Variants in BTAF1 observed in about 807,000 individuals in gnomAD.
BTAF1 encodes the protein B-TFIID TATA-box binding protein associated factor 1, also known as TATA-binding protein-associated factor 172.
A neutral mutation model predicts 227.1 loss-of-function variants in BTAF1; 38 were observed. That is an observed-to-expected ratio of 0.17 (90% CI 0.13 to 0.22). The LOEUF (loss-of-function observed/expected upper bound fraction) is 0.22. Ranked by LOEUF, BTAF1 falls within the 10% of genes least tolerant of loss-of-function variation. The pLI is 1.00. For synonymous variants in BTAF1, 742 were observed against 751.9 expected (o/e 0.99, Z 0.21); for missense variants, 1,598 against 2,204.0 (o/e 0.73, Z 5.51).
intron 25 of BTAF1, 81 bp downstream of exon 25, chr10:91,997,832 G>T: frequency 7.0e-7 from 1 of 1,419,994 alleles, no homozygotes; most frequent in Non-Finnish European, 9.7e-7. Context: ...TTTAGGGCCA[G>T]GTACAAAGGC....
At chr10:91,948,932 G>A (rs1361149331) in intron 4 of BTAF1, among the ~76,000 whole-genome samples, 1 of 151,996 alleles carries the variant, frequency 6.6e-6, no homozygotes, top group Non-Finnish European at 1.5e-5. Context: ...TATAGTTTCT[G>A]ATTCTCTACC....
chr10:91,968,224 C>A (rs1032797401), intron 14 of BTAF1, among the ~76,000 whole-genome samples: 3 of 152,172 alleles, frequency 2.0e-5, no homozygotes, highest in African/African-American at 7.2e-5. Context: ...TGTCCCTCAA[C>A]CCTTAACAGC....
At chr10:92,000,689 C>A (rs1454297776) in intron 25 of BTAF1, among the ~76,000 whole-genome samples, 1 of 152,186 alleles carries the variant, frequency 6.6e-6, no homozygotes, top group East Asian at 1.9e-4. Flanking sequence ...TCCCTAGTAG[C>A]TGAGATTACA....
intron 14 of BTAF1, among the ~76,000 whole-genome samples, chr10:91,979,306 T>C (rs1319339720): frequency 1.3e-5 from 2 of 152,176 alleles, no homozygotes; most frequent in Admixed American, 6.5e-5. Flanking sequence ...CTTTATGATA[T>C]AATGATTTAT....
chr10:91,948,063 G>T (rs922606857), intron 4 of BTAF1, among the ~76,000 whole-genome samples: 1 of 151,842 alleles, frequency 6.6e-6, no homozygotes, highest in East Asian at 1.9e-4. Flanking sequence ...CAACGTGCAG[G>T]TTTGTCACAT....
At position 91,951,439 on chromosome 10, in the gene BTAF1, G is replaced by A. The variant is rs753952218; in HGVS notation, c.437G>A (p.Arg146Gln). The change falls in exon 5 of 38, where the codon CGA becomes CAA. Residue 146 changes from arginine (R) to glutamine (Q), a missense_variant. By Grantham distance (43) the Arg-to-Gln change is conservative. Around this residue, in one of 10 missense-constraint regions of BTAF1, gnomAD observed 298 missense variants for 395.2 expected, o/e 0.75. Transcript: ENST00000265990. ...CCTAAAGAGAGGATAGCACGCCAAC[G>A]AAAATTATTACAGAAGAAACTTGGC... is the stretch of plus-strand genomic sequence containing the variant. Reference protein sequence around the residue: ...VDPKERIARQRKLLQKKLGLN... With the variant: ...VDPKERIARQQKLLQKKLGLN... The A allele has an allele frequency of 4.3e-6, 7 of 1,612,320 alleles. No individual in the cohort carries two copies. The highest frequency in any genetic ancestry group is 2.2e-5 in the East Asian group (1 of 44,778).
intron 20 of BTAF1, among the ~76,000 whole-genome samples, chr10:91,990,533 G>A (rs1252821736): frequency 1.3e-5 from 2 of 152,182 alleles, no homozygotes; most frequent in Admixed American, 6.5e-5. Context: ...GGCGGCTCAC[G>A]CCTGTAATCC....
chr10:91,989,597 T>C lies in BTAF1; in HGVS notation c.2854+17T>C, dbSNP rs900684909. 2.6e-6 allele frequency: 4 copies of C among 1,552,510 alleles called. No homozygotes were observed. The highest frequency in any genetic ancestry group is 1.7e-4 in the Middle Eastern group (1 of 5,752). On this transcript the variant is annotated intron_variant, in intron 20 of 37. Transcript: ENST00000265990. ...ATTCTAAAGGTATATACCTAAACTT[T>C]TATTTGGGGTAGAGAAATAACCTTT...
chr10:91,965,866 AAGAT>A (rs1430667770), intron 13 of BTAF1, among the ~76,000 whole-genome samples: 1 of 152,224 alleles, frequency 6.6e-6, no homozygotes, highest in African/African-American at 2.4e-5. Context: ...ATAGTGTTAA[AAGAT>A]AGGCCTCCTG....
At position 91,997,763 on chromosome 10, in the gene BTAF1, A is replaced by T. The variant is rs1849238575; in HGVS notation, c.3660+12A>T. 1 of 1,611,304 alleles carries T rather than the reference A, an allele frequency of 6.2e-7. No individual in the cohort carries two copies. On this transcript the variant is annotated intron_variant, in intron 25 of 37. Coordinates refer to ENST00000265990, the MANE Select transcript of BTAF1 (RefSeq NM_003972.3). Reference sequence around the variant, plus strand: ...TCATGCCACTTGAGGTAAGTCAAAGATACTTGCTTTAAAGACATAATGTTT... The same window carrying T: ...TCATGCCACTTGAGGTAAGTCAAAGTTACTTGCTTTAAAGACATAATGTTT...
chr10:91,960,494 G>A (rs1291145676), intron 11 of BTAF1, among the ~76,000 whole-genome samples: 1 of 151,894 alleles, frequency 6.6e-6, no homozygotes, highest in Non-Finnish European at 1.5e-5. Context: ...ATACAACATG[G>A]TGCCAAGTTA....
At chr10:91,996,126 A>G (rs1007369130) in intron 23 of BTAF1, among the ~76,000 whole-genome samples, 1 of 152,190 alleles carries the variant, frequency 6.6e-6, no homozygotes, top group Admixed American at 6.5e-5. Flanking sequence ...CTAAGAGATG[A>G]TATGAGCAGA....
At chr10:91,948,362 T>A (rs1845529897) in intron 4 of BTAF1, among the ~76,000 whole-genome samples, 2 of 142,762 alleles carry the variant, frequency 1.4e-5, no homozygotes, top group Non-Finnish European at 3.0e-5. Context: ...ATTTTTCAGT[T>A]TTAGAACTAT....
At chr10:91,955,253 C>T (rs989090737) in intron 6 of BTAF1, among the ~76,000 whole-genome samples, 2 of 152,054 alleles carry the variant, frequency 1.3e-5, no homozygotes, top group Non-Finnish European at 2.9e-5. Flanking sequence ...TGGAAATATT[C>T]GACTTTATTT....
intron 23 of BTAF1, among the ~76,000 whole-genome samples, chr10:91,995,095 T>TA (rs1849043194): frequency 1.3e-5 from 2 of 152,294 alleles, no homozygotes; most frequent in Admixed American, 6.5e-5. Context: ...GGGATTTTTT[T>TA]AAAAAACTAT....
chr10:91,955,952 T>C (rs983265921), intron 6 of BTAF1, among the ~76,000 whole-genome samples: 1 of 152,240 alleles, frequency 6.6e-6, no homozygotes, highest in African/African-American at 2.4e-5. Context: ...GTTTTTCTTT[T>C]CTAAATGCTG....
At chr10:91,996,182 AATAC>A (rs768435553) in intron 23 of BTAF1, among the ~76,000 whole-genome samples, 183 bp from the exon 24 acceptor site, 2 of 152,202 alleles carry the variant, frequency 1.3e-5, no homozygotes, top group East Asian at 3.8e-4. Flanking sequence ...AAAGAGTTGT[AATAC>A]ATTAATTTGT....
At chr10:91,968,710 G>C (rs928251435) in intron 14 of BTAF1, among the ~76,000 whole-genome samples, 19 of 152,200 alleles carry the variant, frequency 1.2e-4, no homozygotes, top group South Asian at 4.1e-4. Context: ...TTTTTTGTCA[G>C]TGTTTTGGGT....
chr10:92,008,510 GTT>G (rs35905847), intron 26 of BTAF1, among the ~76,000 whole-genome samples: 12 of 133,972 alleles, frequency 9.0e-5, no homozygotes, highest in Admixed American at 7.5e-5. Context: ...TGGCCAGCTA[GTT>G]TTTTTTTTTT....
Sources: gnomAD v4.1 joint callset for allele counts (sites outside exome capture counted in the v4.1 genomes callset) on GRCh38, gnomAD v4.1.1 for gene constraint, gnomAD v4.1.1 regional missense constraint, MANE v1.5 for transcripts, NCBI Gene and HGNC (gene_info 2026-07-23, HGNC 2026-07-21) for gene names.